Variants in NCOA3 observed in about 807,000 individuals in gnomAD.
The protein encoded by NCOA3 is nuclear receptor coactivator 3.
In NCOA3, 51 loss-of-function variants were observed where a neutral mutation model predicts 158.8. The ratio of observed to expected loss-of-function variants is 0.32; its 90% CI spans 0.26 to 0.41. The LOEUF (loss-of-function observed/expected upper bound fraction) is 0.41, where lower values mean the gene tolerates loss of function less well. Among genes scored for constraint, NCOA3 ranks in the 10% least tolerant of loss-of-function variants. The probability of loss-of-function intolerance (pLI) is 1.00; values close to 1 mark genes in which losing one functional copy is unlikely to be tolerated. For synonymous variants in NCOA3, 537 were observed against 592.4 expected, an observed-to-expected ratio of 0.91 and a Z score of 1.36; for missense variants, 1,510 against 1,746.6, an observed-to-expected ratio of 0.86 and a Z score of 2.41.
chr20:47,565,160 T>C (rs2085172101), intron 1 of NCOA3, among the ~76,000 whole-genome samples: 1 of 152,298 alleles, frequency 6.6e-6, no homozygotes, highest in East Asian at 1.9e-4. Flanking sequence ...TTTGTATTTT[T>C]AGTAGAGACG....
rs1195754427 is a variant in NCOA3, at chr20:47,654,804, A to C, written c.*1387A>C. ...TAAAAAAACGAGCAATTTGAAGAGA[A>C]TCTTTTGGATTTTAAGCAGTCCGAA... On this transcript the variant is annotated 3_prime_UTR_variant, in exon 23 of 23. Coordinates refer to ENST00000371998, the MANE Select transcript of NCOA3 (RefSeq NM_181659.3). The C allele has an allele frequency of 3.3e-5, 5 of 152,192 alleles. No homozygotes were observed. Among genetic ancestry groups the C allele is most frequent in the Middle Eastern group, 3.4e-3 (1 of 294 alleles). The allele number at this position is 152,192 out of a possible 1,614,324, so 9.4% of individuals were successfully genotyped here. A position where few individuals can be genotyped will look rare whatever the true frequency, so the allele number is the denominator to read the frequency against.
In NCOA3 at chr20:47,512,221, TC is replaced by T. The variant is rs1330894240; in HGVS notation, c.-99+10203del. Among the ~76,000 whole-genome samples the T allele has an allele frequency of 2.6e-5, 4 of 152,128 alleles. No individual in the cohort carries two copies. In the East Asian group the frequency reaches 7.7e-4, roughly 29 times the overall value. On this transcript the variant is annotated intron_variant, in intron 1 of 22. Coordinates refer to ENST00000371998, the MANE Select transcript of NCOA3 (RefSeq NM_181659.3). ...ATATAAACACAAAAAAAGTTTTTCT[TC>T]TAGAAAAAATAACTAATTTACATCT... is the stretch of plus-strand genomic sequence containing the variant.
At chr20:47,542,078 T>C (rs1383053630) in intron 1 of NCOA3, among the ~76,000 whole-genome samples, 1 of 147,376 alleles carries the variant, frequency 6.8e-6, no homozygotes, top group African/African-American at 2.5e-5. Flanking sequence ...TCACCCAGGC[T>C]GGAGTGCAAT....
intron 1 of NCOA3, among the ~76,000 whole-genome samples, chr20:47,554,382 G>A: frequency 6.6e-6 from 1 of 151,976 alleles, no homozygotes; most frequent in African/African-American, 2.4e-5. Flanking sequence ...TTCTTTTGCT[G>A]TGCAGAAGCT....
Position 47,652,533 on chromosome 20 carries a change from G to A in NCOA3, c.4074G>A (p.Gln1358=), listed in dbSNP as rs1602551444. ...ACCCGCAGGCTGCATCCATCTATCA[G>A]TCCTCAGAAATGAAGGGCTGGCCAT... ...MQHPQAASIY[Q]SSEMKGWPSG... Residue 1358 remains glutamine (Q), a synonymous_variant, in exon 21 of 23, where the codon CAG becomes CAA. Coordinates refer to ENST00000371998, the MANE Select transcript of NCOA3 (RefSeq NM_181659.3). 5 of 1,613,784 alleles carry A rather than the reference G, an allele frequency of 3.1e-6. No individual in the cohort carries two copies. The highest frequency in any genetic ancestry group is 4.2e-6 in the Non-Finnish European group (5 of 1,179,716).
chr20:47,638,191 T>A (rs369015614), intron 13 of NCOA3, among the ~76,000 whole-genome samples: 7 of 152,218 alleles, frequency 4.6e-5, no homozygotes, highest in African/African-American at 7.2e-5. Context: ...ATAGTTTTCT[T>A]TGGTGTTTGC....
Position 47,639,668 on chromosome 20 carries a change from G to A in NCOA3, c.2799G>A (p.Met933Ile). The change falls in exon 15 of 23, where the codon ATG becomes ATA. Residue 933 changes from methionine to isoleucine, a missense_variant. By Grantham distance (10) the Met-to-Ile change is conservative. Transcript: ENST00000371998. The part of the protein sequence containing the change: ...PNSKAGRMEP[M>I]NSNSMGRPGG... The stretch of plus-strand genomic sequence containing the variant: ...CAAAGGCCGGCAGAATGGAACCTAT[G>A]AATTCAAACTCCATGGGAAGACCAG... 1 of 1,614,078 alleles carries A rather than the reference G, an allele frequency of 6.2e-7. No homozygotes were observed. Among genetic ancestry groups the A allele is most frequent in the South Asian group, 1.1e-5 (1 of 91,074 alleles).
intron 1 of NCOA3, among the ~76,000 whole-genome samples, chr20:47,560,833 A>C (rs538617763): frequency 1.3e-5 from 2 of 151,758 alleles, no homozygotes; most frequent in Non-Finnish European, 2.9e-5. Context: ...TGATTTAAAA[A>C]TTTTTTTTAT....
intron 1 of NCOA3, among the ~76,000 whole-genome samples, chr20:47,567,061 T>C (rs1602412965): frequency 1.3e-5 from 2 of 151,690 alleles, no homozygotes; most frequent in East Asian, 3.9e-4. Flanking sequence ...TGTATGTATG[T>C]ATTTTGAGAC....
chr20:47,589,708 T>G (rs149550348), intron 2 of NCOA3, among the ~76,000 whole-genome samples: 22 of 152,220 alleles, frequency 1.4e-4, no homozygotes, highest in Non-Finnish European at 2.2e-4. Flanking sequence ...TTATTTGTTC[T>G]TTTATCCTGA....
intron 17 of NCOA3, among the ~76,000 whole-genome samples, chr20:47,643,233 G>T (rs2086639040): frequency 6.6e-6 from 1 of 152,218 alleles, no homozygotes; most frequent in Non-Finnish European, 1.5e-5. Flanking sequence ...TTTATTTAAA[G>T]GCTATGGAGG....
In NCOA3 at chr20:47,511,542, T is replaced by C. The variant is rs1228343901; in HGVS notation, c.-99+9523T>C. ...CTCTCGAGATATATATATATATATA[T>C]ATATATATATATATTTCTTTTTTTT... On this transcript the variant is annotated intron_variant, in intron 1 of 22. Coordinates refer to ENST00000371998, the MANE Select transcript of NCOA3 (RefSeq NM_181659.3). Among the ~76,000 whole-genome samples the C allele has an allele frequency of 4.5e-3, 102 of 22,420 alleles. 6 individuals carry two copies. Among genetic ancestry groups the C allele is most frequent in the East Asian group, 0.019 (7 of 376 alleles). The allele number at this position is 22,420 out of a possible 152,430, so 14.7% of individuals were successfully genotyped here. A position where few individuals can be genotyped will look rare whatever the true frequency, so the allele number is the denominator to read the frequency against.
intron 1 of NCOA3, among the ~76,000 whole-genome samples, chr20:47,524,427 T>C (rs2084394212): frequency 6.6e-6 from 1 of 152,180 alleles, no homozygotes; most frequent in Admixed American, 6.5e-5. Flanking sequence ...TTGAAATCCA[T>C]TCCATACCCA....
At chr20:47,645,550 G>A (rs2086673896) in intron 17 of NCOA3, among the ~76,000 whole-genome samples, 1 of 151,756 alleles carries the variant, frequency 6.6e-6, no homozygotes, top group African/African-American at 2.4e-5. Context: ...TGCGTTATTA[G>A]TGTTTTATGG....
At position 47,584,619 on chromosome 20, in the gene NCOA3, C is replaced by CAA. The variant is rs59337239; in HGVS notation, c.-20+1373_-20+1374dup. ...TGGGCAACAGAGTGAGACTTCATCT[C>CAA]AAAAAAAAAAAAAAAAGTCATAAGG... On this transcript the variant is annotated intron_variant, in intron 2 of 22. Transcript: ENST00000371998. Among the ~76,000 whole-genome samples, 255 of 108,288 alleles carry CAA rather than the reference C, an allele frequency of 2.4e-3. 1 individual carries two copies. The highest frequency in any genetic ancestry group is 3.3e-3 in the Non-Finnish European group (170 of 51,892). 71.0% of individuals were successfully genotyped at this position (108,288 alleles called of 152,430 possible).
chr20:47,564,317 A>G (rs1286392064), intron 1 of NCOA3, among the ~76,000 whole-genome samples: 3 of 151,820 alleles, frequency 2.0e-5, no homozygotes, highest in Non-Finnish European at 2.9e-5. Context: ...GTAATTGTAT[A>G]TGGACATCTA....
At chr20:47,570,364 G>A (rs751986870) in intron 1 of NCOA3, among the ~76,000 whole-genome samples, 44 of 152,308 alleles carry the variant, frequency 2.9e-4, no homozygotes, top group Non-Finnish European at 4.6e-4. Context: ...TTGCTTGAGC[G>A]TGGGTGGTTG....
chr20:47,530,928 TAA>T (rs2084534557), intron 1 of NCOA3, among the ~76,000 whole-genome samples: 1 of 152,216 alleles, frequency 6.6e-6, no homozygotes, highest in Non-Finnish European at 1.5e-5. Flanking sequence ...CCTAGATCTG[TAA>T]ACTGGCGTAG....
chr20:47,613,216 A>T (rs1255737471), intron 2 of NCOA3, among the ~76,000 whole-genome samples: 2 of 152,156 alleles, frequency 1.3e-5, no homozygotes, highest in South Asian at 2.1e-4. Context: ...CTGAAGTTGT[A>T]CTGTTTTCTT....
Sources: gnomAD v4.1 joint callset for allele counts (sites outside exome capture counted in the v4.1 genomes callset) on GRCh38, gnomAD v4.1.1 for gene constraint, MANE v1.5 for transcripts, NCBI Gene and HGNC (gene_info 2026-07-23, HGNC 2026-07-21) for gene names.